The following CEP63 variants were observed in gnomAD, a reference collection of about 807,000 sequenced individuals.
The protein encoded by CEP63 is centrosomal protein of 63 kDa.
A neutral mutation model predicts 89.1 loss-of-function variants in CEP63; 84 were observed. The ratio of observed to expected loss-of-function variants is 0.94; its 90% confidence interval spans 0.79 to 1.13. The LOEUF is 1.13. Among genes scored for constraint, CEP63 ranks in the 50% most tolerant of loss-of-function variants. CEP63 has a pLI of 0.00. For synonymous variants in CEP63, 267 were observed against 272.5 expected (o/e 0.98, Z 0.20); for missense variants, 838 against 813.3 (o/e 1.03, Z -0.37).
At chr3:134,520,095 C>T (rs1947119432) in intron 3 of CEP63, among the ~76,000 whole-genome samples, 1 of 151,628 alleles carries the variant, frequency 6.6e-6, no homozygotes, top group Non-Finnish European at 1.5e-5. Flanking sequence ...TGCAATAAAG[C>T]AAGAAAAATA....
chr3:134,504,879 T>C (rs1188363566), intron 2 of CEP63, among the ~76,000 whole-genome samples: 1 of 152,170 alleles, frequency 6.6e-6, no homozygotes, highest in African/African-American at 2.4e-5. Flanking sequence ...GAAATTCTCG[T>C]ACTTGTTTTT....
At chr3:134,520,621 G>A (rs1947233956) in intron 3 of CEP63, among the ~76,000 whole-genome samples, 1 of 152,136 alleles carries the variant, frequency 6.6e-6, no homozygotes, top group African/African-American at 2.4e-5. Context: ...GAGCACTTAG[G>A]GTACTAGAAA....
the CEP63 span, among the ~76,000 whole-genome samples, chr3:134,623,781 G>A: frequency 6.6e-6 from 1 of 152,148 alleles, no homozygotes; most frequent in African/African-American, 2.4e-5. Context: ...TCTCACTTGA[G>A]CAGATAGCAC....
chr3:134,666,151 G>A, the CEP63 span, among the ~76,000 whole-genome samples: 1 of 152,150 alleles, frequency 6.6e-6, no homozygotes, highest in African/African-American at 2.4e-5. Context: ...TCCTGGGCAA[G>A]CTCTCTGATG....
chr3:134,569,751 G>T (rs116550916), downstream of CEP63, among the ~76,000 whole-genome samples: 1 of 152,192 alleles, frequency 6.6e-6, no homozygotes, highest in Admixed American at 6.5e-5. Flanking sequence ...TACCCTAGTG[G>T]GGACTCTGTG....
chr3:134,779,864 A>G, the CEP63 span: 6 of 152,244 alleles, frequency 3.9e-5, no homozygotes, highest in Non-Finnish European at 5.9e-5. Flanking sequence ...TTTGGAACTG[A>G]TAAGTGAGAG....
In CEP63 at chr3:134,510,563, G is replaced by A. The variant is rs116687028; in HGVS notation, c.222+3277G>A. ...TGCTTTTTATTAAGACCTTGTACCT[G>A]TGAACACATTTGGGGCACAACTTAC... On this transcript the variant is annotated intron_variant, in intron 3 of 14. Coordinates refer to ENST00000675561, the MANE Select transcript of CEP63 (RefSeq NM_001353108.3). The A allele has an allele frequency of 9.9e-4, 540 of 545,702 alleles. 3 individuals carry two copies. The highest frequency in any genetic ancestry group is 9.7e-3 in the African/African-American group (491 of 50,694). 33.8% of individuals were successfully genotyped at this position (545,702 alleles called of 1,614,324 possible).
chr3:134,550,227 G>A lies in CEP63; in HGVS notation c.1347G>A (p.Met449Ile). ...SDMEKRLRAE[M>I]QKAEDKAVEH... ...TGGAAAAGCGACTCAGAGCAGAGAT[G>A]CAAAAGGCAGAAGACAAAGCAGTAG... The change falls in exon 11 of 15, where the codon ATG becomes ATA. Residue 449 changes from methionine (M) to isoleucine (I), a missense_variant. Physicochemically the swap from Met to Ile is conservative, Grantham distance 10. Transcript: ENST00000675561. 1 of 1,614,166 alleles carries A rather than the reference G, an allele frequency of 6.2e-7. No individual in the cohort carries two copies. Among genetic ancestry groups the A allele is most frequent in the Non-Finnish European group, 8.5e-7 (1 of 1,180,008 alleles).
the CEP63 span, among the ~76,000 whole-genome samples, chr3:134,606,483 C>T: frequency 1.3e-5 from 2 of 152,322 alleles, no homozygotes; most frequent in South Asian, 2.1e-4. Flanking sequence ...GTAATGTCCC[C>T]GTGGCAAAGC....
intron 1 of CEP63, among the ~76,000 whole-genome samples, chr3:134,491,366 T>G (rs1048857550): frequency 6.6e-6 from 1 of 152,242 alleles, no homozygotes; most frequent in African/African-American, 2.4e-5. Flanking sequence ...TGTATTTTTC[T>G]GTGCATTGCT....
At chr3:134,767,099 A>C in the CEP63 span, among the ~76,000 whole-genome samples, 1 of 152,130 alleles carries the variant, frequency 6.6e-6, no homozygotes, top group African/African-American at 2.4e-5. Context: ...ACTTGGCTTC[A>C]TCTTGCTACC....
At chr3:134,553,239 A>ATAT (rs963375535) in intron 12 of CEP63, 18 of 152,114 alleles carry the variant, frequency 1.2e-4, no homozygotes, top group African/African-American at 4.1e-4. Flanking sequence ...GCAAAAGACT[A>ATAT]TTATAGAGTA....
chr3:134,748,910 G>C, the CEP63 span, among the ~76,000 whole-genome samples: 1 of 152,198 alleles, frequency 6.6e-6, no homozygotes, highest in Admixed American at 6.5e-5. Flanking sequence ...TGGGCAGATG[G>C]CAAGGGCATC....
At chr3:134,725,954 T>C in the CEP63 span, among the ~76,000 whole-genome samples, 1 of 151,844 alleles carries the variant, frequency 6.6e-6, no homozygotes, top group Non-Finnish European at 1.5e-5. Context: ...AGGACGGGAG[T>C]CTGTGGAAGG....
chr3:134,537,319 G>A (rs1437280470), intron 6 of CEP63, 51 bp downstream of exon 6: 8 of 1,141,406 alleles, frequency 7.0e-6, no homozygotes, highest in African/African-American at 3.0e-5. Flanking sequence ...TTTTGATCAA[G>A]TTTGAACTAC....
At chr3:134,493,159 GTTAGT>G (rs940075045) in intron 1 of CEP63, among the ~76,000 whole-genome samples, 12 of 152,076 alleles carry the variant, frequency 7.9e-5, no homozygotes, top group African/African-American at 2.7e-4. Flanking sequence ...TTTCCTACAT[GTTAGT>G]TAAGTATCCG....
At chr3:134,662,725 G>T in the CEP63 span, among the ~76,000 whole-genome samples, 1 of 152,362 alleles carries the variant, frequency 6.6e-6, no homozygotes, top group Admixed American at 6.5e-5. Context: ...CAATTGAAAA[G>T]CATGCCACTT....
the CEP63 span, among the ~76,000 whole-genome samples, chr3:134,605,050 G>A: frequency 6.6e-6 from 1 of 151,936 alleles, no homozygotes; most frequent in Non-Finnish European, 1.5e-5. Flanking sequence ...GTGTATCTTA[G>A]CCATGTTTCA....
the CEP63 span, among the ~76,000 whole-genome samples, chr3:134,697,835 C>T: frequency 6.6e-6 from 1 of 152,222 alleles, no homozygotes; most frequent in South Asian, 2.1e-4. Context: ...GAGTAACCGA[C>T]AGTAAACTAT....
Sources: gnomAD v4.1 joint callset for allele counts (sites outside exome capture counted in the v4.1 genomes callset) on GRCh38, gnomAD v4.1.1 for gene constraint, MANE v1.5 for transcripts, NCBI Gene and HGNC (gene_info 2026-07-23, HGNC 2026-07-21) for gene names.